Variants in XKR6 observed in about 807,000 individuals in gnomAD.
The protein encoded by XKR6 is XK related 6.
Under a neutral mutation model 56.7 loss-of-function variants are expected in XKR6, and 22 were observed. The ratio of observed to expected loss-of-function variants is 0.39; its 90% CI spans 0.28 to 0.55. The LOEUF is 0.55. XKR6 is among the 20% of genes least tolerant of loss of function. The pLI is 0.66. For missense variants in XKR6, 852 were observed against 889.0 expected, an observed-to-expected ratio of 0.96 and a Z score of 0.53; for synonymous variants, 524 against 387.8, an observed-to-expected ratio of 1.35 and a Z score of -4.13.
intron 1 of XKR6, among the ~76,000 whole-genome samples, chr8:11,161,085 G>A (rs1801781550): frequency 6.6e-6 from 1 of 152,110 alleles, no homozygotes; most frequent in Non-Finnish European, 1.5e-5. Flanking sequence ...GCAAAGTTAA[G>A]AGGACTTGTT....
At chr8:11,036,277 G>C (rs373548509) in intron 1 of XKR6, among the ~76,000 whole-genome samples, 1 of 152,150 alleles carries the variant, frequency 6.6e-6, no homozygotes, top group Non-Finnish European at 1.5e-5. Context: ...GGCAGAGAGA[G>C]AAGCACTTCC....
Position 11,041,227 on chromosome 8 carries a change from T to C in XKR6, c.765-116397A>G, listed in dbSNP as rs528464179. On this transcript the variant is annotated intron_variant, in intron 1 of 2. Coordinates refer to ENST00000416569, the MANE Select transcript of XKR6 (RefSeq NM_173683.4). ...CTTGGATGATGCTTGTAACAGAGCA[T>C]TAAGGGAAAACAAGCAGAACAAAAC... 1.1e-4 allele frequency among the ~76,000 whole-genome samples: 16 copies of C among 152,090 alleles called. No individual in the cohort carries two copies. The East Asian group carries it at 2.9e-3, about 28-fold the overall frequency.
rs750526771 is a variant in XKR6 at position 11,201,319 on chromosome 8, G to A, written c.21C>T (p.Gly7=). The change falls in exon 1 of 3, where the codon GGC becomes GGT. Residue 7 remains glycine, a synonymous_variant. Transcript: ENST00000416569. MAAKSD[G]GGVGVGFAQL... is the part of the protein sequence containing the mutation. ...GAGCGAAGCCCACCCCCACGCCACC[G>A]CCATCGGATTTCGCCGCCATCTTGA... The A allele has an allele frequency of 2.4e-5, 32 of 1,358,718 alleles. No homozygotes were observed. In the East Asian group the frequency reaches 1.5e-3, roughly 62 times the overall value. The allele number at this position is 1,358,718 out of a possible 1,614,324, so 84.2% of individuals were successfully genotyped here.
intron 1 of XKR6, among the ~76,000 whole-genome samples, chr8:11,041,555 CAAA>C (rs397892339): frequency 2.0e-3 from 264 of 134,624 alleles, no homozygotes; most frequent in African/African-American, 6.0e-3. Flanking sequence ...GACTTTGTCT[CAAA>C]AAAAAAAAAA....
chr8:10,925,072 C>A (rs1029633198), intron 1 of XKR6, among the ~76,000 whole-genome samples: 14 of 152,150 alleles, frequency 9.2e-5, no homozygotes, highest in African/African-American at 3.4e-4. Flanking sequence ...CTAGGCAGGT[C>A]TTCCTCCTCC....
chr8:11,119,317 T>C (rs1378210378), intron 1 of XKR6, among the ~76,000 whole-genome samples: 1 of 152,214 alleles, frequency 6.6e-6, no homozygotes, highest in Non-Finnish European at 1.5e-5. Context: ...TGTAGATGTC[T>C]ATTAGGTCCG....
chr8:10,903,274 C>T (rs1800094032), intron 2 of XKR6, among the ~76,000 whole-genome samples: 1 of 152,214 alleles, frequency 6.6e-6, no homozygotes, highest in South Asian at 2.1e-4. Context: ...AGGACTGTCG[C>T]TGCAATTCTT....
Position 11,182,768 on chromosome 8 carries a change from A to G in XKR6, c.764+17808T>C, listed in dbSNP as rs145282285. 6.2e-3 allele frequency among the ~76,000 whole-genome samples: 938 copies of G among 152,348 alleles called. 15 individuals carry two copies. The highest frequency in any genetic ancestry group is 0.022 in the African/African-American group (916 of 41,582). ...TACCATCTGAGCCATTTTCAAGTGT[A>G]CAGTTCAGTGGCATTAAATACATTC... On this transcript the variant is annotated intron_variant, in intron 1 of 2. Coordinates refer to ENST00000416569, the MANE Select transcript of XKR6 (RefSeq NM_173683.4).
chr8:11,089,934 A>T (rs943092812), intron 1 of XKR6, among the ~76,000 whole-genome samples: 1 of 152,154 alleles, frequency 6.6e-6, no homozygotes, highest in Non-Finnish European at 1.5e-5. Flanking sequence ...TTGTTTTAAA[A>T]TTTTATGGAA....
chr8:11,161,409 C>T (rs1239243765), intron 1 of XKR6, among the ~76,000 whole-genome samples: 1 of 152,206 alleles, frequency 6.6e-6, no homozygotes, highest in African/African-American at 2.4e-5. Context: ...CCGTCTAGTG[C>T]CTTTGCTCAT....
chr8:10,970,960 C>T (rs1484026045), intron 1 of XKR6, among the ~76,000 whole-genome samples: 1 of 151,864 alleles, frequency 6.6e-6, no homozygotes, highest in East Asian at 1.9e-4. Flanking sequence ...GAAAATATAA[C>T]ATGTTTCCCT....
In XKR6 at chr8:11,200,869, C is replaced by G; in HGVS notation, c.471G>C (p.Gly157=). 6.2e-7 allele frequency: 1 copy of G among 1,611,908 alleles called. No individual in the cohort carries two copies. The highest frequency in any genetic ancestry group is 8.5e-7 in the Non-Finnish European group (1 of 1,179,526). ...LWLALDYYRK[G]DYVYFGLTLF... Reference sequence around the variant, plus strand: ...GGGTCAGCCCGAAGTAGACGTAGTCCCCCTTGCGGTAGTAGTCGAGGGCCA... The same window carrying G: ...GGGTCAGCCCGAAGTAGACGTAGTCGCCCTTGCGGTAGTAGTCGAGGGCCA... Residue 157 remains glycine (G), a synonymous_variant, in exon 1 of 3, where the codon GGG becomes GGC. Transcript: ENST00000416569. The surrounding 1 kb of genome is among the most constrained non-coding windows in gnomAD (Gnocchi z 6.4).
chr8:11,056,940 A>G (rs1249171586), intron 1 of XKR6, among the ~76,000 whole-genome samples: 1 of 151,930 alleles, frequency 6.6e-6, no homozygotes, highest in Admixed American at 6.6e-5. Context: ...AGGCTAAGAA[A>G]CCCACAGGCA....
chr8:11,065,452 C>T (rs1316767918), intron 1 of XKR6, among the ~76,000 whole-genome samples: 1 of 152,186 alleles, frequency 6.6e-6, no homozygotes, highest in Admixed American at 6.5e-5. Flanking sequence ...ATTACTTTAT[C>T]CTTGGATGCA....
At chr8:10,969,936 T>C (rs889238755) in intron 1 of XKR6, among the ~76,000 whole-genome samples, 1 of 152,142 alleles carries the variant, frequency 6.6e-6, no homozygotes, top group African/African-American at 2.4e-5. Flanking sequence ...TCCTCTAAGC[T>C]CCCATGTGGG....
intron 1 of XKR6, among the ~76,000 whole-genome samples, chr8:10,955,191 T>C (rs2129128286): frequency 6.6e-6 from 1 of 152,168 alleles, no homozygotes; most frequent in Middle Eastern, 3.4e-3. Flanking sequence ...CTTTTGCATG[T>C]GGATATCTAC....
In XKR6 at chr8:10,994,118, G is replaced by C. The variant is rs1798056632; in HGVS notation, c.765-69288C>G. Among the ~76,000 whole-genome samples, 5 of 152,306 alleles carry C rather than the reference G, an allele frequency of 3.3e-5. No homozygotes were observed. In the South Asian group the frequency reaches 1.0e-3, roughly 32 times the overall value. On this transcript the variant is annotated intron_variant, in intron 1 of 2. Coordinates refer to ENST00000416569, the MANE Select transcript of XKR6 (RefSeq NM_173683.4). ...ATGGTTCCCCAACCTCTAACTGATAGCTGAAGTCCTCCCTGCAAAGAACCC... is the reference window on the plus strand; with the variant it reads ...ATGGTTCCCCAACCTCTAACTGATACCTGAAGTCCTCCCTGCAAAGAACCC...
In XKR6 at chr8:10,897,922, G is replaced by C; in HGVS notation, c.*30C>G. 6.6e-7 allele frequency: 1 copy of C among 1,526,598 alleles called. No individual in the cohort carries two copies. Among genetic ancestry groups the C allele is most frequent in the Non-Finnish European group, 8.8e-7 (1 of 1,137,678 alleles). The allele number at this position is 1,526,598 out of a possible 1,614,324, so 94.6% of individuals were successfully genotyped here. ...GCTGTTTGCCGCAAACCAAACTTAA[G>C]GTCCCCTTCTCAACTTGGTCAAGAT... On this transcript the variant is annotated 3_prime_UTR_variant, in exon 3 of 3. Transcript: ENST00000416569.
At chr8:10,949,274 C>T (rs1563306117) in intron 1 of XKR6, among the ~76,000 whole-genome samples, 1 of 152,244 alleles carries the variant, frequency 6.6e-6, no homozygotes, top group African/African-American at 2.4e-5. Context: ...TTGAGTCTTA[C>T]GGGCCAGCTT....
Sources: gnomAD v4.1 joint callset for allele counts (sites outside exome capture counted in the v4.1 genomes callset) on GRCh38, gnomAD v4.1.1 for gene constraint, Gnocchi (gnomAD v3.1) non-coding constraint, MANE v1.5 for transcripts, NCBI Gene and HGNC (gene_info 2026-07-23, HGNC 2026-07-21) for gene names.